ROBO2: variants seen among roughly 807,000 people sequenced by gnomAD.
The protein encoded by ROBO2 is roundabout homolog 2.
A neutral mutation model predicts 160.8 loss-of-function variants in ROBO2; 53 were observed. The ratio of observed to expected loss-of-function variants is 0.33; its 90% CI spans 0.26 to 0.41. ROBO2 has a LOEUF of 0.41. Among genes scored for constraint, ROBO2 ranks in the 10% least tolerant of loss-of-function variants. The pLI, the probability that ROBO2 is intolerant of heterozygous loss-of-function variation, is 1.00. For missense variants in ROBO2, 1,577 were observed against 1,722.4 expected, an observed-to-expected ratio of 0.92 and a Z score of 1.49; for synonymous variants, 664 against 611.7, an observed-to-expected ratio of 1.09 and a Z score of -1.26.
intron 2 of ROBO2, among the ~76,000 whole-genome samples, chr3:77,254,148 T>C (rs1180661752): frequency 6.6e-6 from 1 of 152,206 alleles, no homozygotes; most frequent in Non-Finnish European, 1.5e-5. Flanking sequence ...GGTGCACCTG[T>C]GGTCTTAGCT....
chr3:76,800,503 G>A lies in ROBO2; in HGVS notation c.110-297511G>A, dbSNP rs189224785. Among the ~76,000 whole-genome samples the A allele has an allele frequency of 3.9e-5, 6 of 152,194 alleles. No homozygotes were observed. In the East Asian group the frequency reaches 7.7e-4, roughly 20 times the overall value. On this transcript the variant is annotated intron_variant, in intron 2 of 26. Transcript: ENST00000487694. ...AGGGATTAATAACCAGAATATATAA[G>A]GAGCTCAAAAAGCTCTAGAGGAAAA...
At chr3:76,554,282 T>C (rs2083579487) in intron 2 of ROBO2, among the ~76,000 whole-genome samples, 2 of 152,268 alleles carry the variant, frequency 1.3e-5, no homozygotes, top group South Asian at 4.1e-4. Context: ...TATATACACA[T>C]ATCACAGCAA....
At chr3:76,530,685 A>G (rs1179476315) in intron 2 of ROBO2, among the ~76,000 whole-genome samples, 4 of 152,158 alleles carry the variant, frequency 2.6e-5, no homozygotes, top group African/African-American at 9.7e-5. Flanking sequence ...CTTTTCTTCT[A>G]TGCTCCTTCA....
At chr3:76,004,036 C>T (rs2065956901) in intron 2 of ROBO2, among the ~76,000 whole-genome samples, 1 of 152,106 alleles carries the variant, frequency 6.6e-6, no homozygotes, top group African/African-American at 2.4e-5. Flanking sequence ...TATGACTCAA[C>T]TATCAATTCC....
intron 2 of ROBO2, among the ~76,000 whole-genome samples, chr3:76,527,292 A>C (rs1264295253): frequency 6.6e-6 from 1 of 152,142 alleles, no homozygotes. Context: ...TAGACTATAA[A>C]ATCTATCACT....
intron 2 of ROBO2, among the ~76,000 whole-genome samples, chr3:76,027,465 G>T (rs1162467441): frequency 6.6e-6 from 1 of 151,804 alleles, no homozygotes; most frequent in Admixed American, 6.6e-5. Context: ...GTGAGCAAAA[G>T]GGGGCTTATG....
At chr3:76,605,966 G>A (rs371658797) in intron 2 of ROBO2, among the ~76,000 whole-genome samples, 33 of 152,154 alleles carry the variant, frequency 2.2e-4, no homozygotes, top group African/African-American at 6.3e-4. Context: ...ACAGGACCCC[G>A]TTATTTGGAG....
chr3:77,112,397 C>A (rs2073737619), intron 2 of ROBO2, among the ~76,000 whole-genome samples: 1 of 151,754 alleles, frequency 6.6e-6, no homozygotes, highest in Admixed American at 6.6e-5. Flanking sequence ...GCACCCGCCA[C>A]CACGCCTGGG....
At chr3:76,202,551 T>A (rs946521184) in intron 2 of ROBO2, among the ~76,000 whole-genome samples, 3 of 152,156 alleles carry the variant, frequency 2.0e-5, no homozygotes, top group African/African-American at 7.2e-5. Flanking sequence ...ATTAAATGGA[T>A]CATAGGTGCA....
intron 2 of ROBO2, among the ~76,000 whole-genome samples, chr3:76,978,953 A>C (rs1464937102): frequency 6.6e-6 from 1 of 151,646 alleles, no homozygotes; most frequent in African/African-American, 2.4e-5. Context: ...TTAAAAAAAA[A>C]AAAAAGAAAA....
chr3:76,981,676 T>C (rs984004707), intron 2 of ROBO2, among the ~76,000 whole-genome samples: 1 of 152,146 alleles, frequency 6.6e-6, no homozygotes, highest in African/African-American at 2.4e-5. Context: ...TAAGACTGGG[T>C]AATTTATAAA....
intron 2 of ROBO2, among the ~76,000 whole-genome samples, chr3:76,540,557 G>A (rs2082759343): frequency 6.6e-6 from 1 of 152,124 alleles, no homozygotes; most frequent in African/African-American, 2.4e-5. Context: ...ACTATCCAGA[G>A]ACTGAGCAAG....
In ROBO2 at chr3:76,601,234, G is replaced by A. The variant is rs147685972; in HGVS notation, c.110-496780G>A. Among the ~76,000 whole-genome samples, 4 of 152,310 alleles carry A rather than the reference G, an allele frequency of 2.6e-5. No homozygotes were observed. In the East Asian group the frequency reaches 7.8e-4, roughly 30 times the overall value. The stretch of plus-strand genomic sequence containing the variant: ...TTGAGTGCCTGAAGCTTTTCCAGGT[G>A]CATGGTGCAAGCTCTAAGTGGATCT... On this transcript the variant is annotated intron_variant, in intron 2 of 26. Transcript: ENST00000487694.
chr3:76,409,488 T>C (rs1480862752), intron 2 of ROBO2, among the ~76,000 whole-genome samples: 1 of 152,100 alleles, frequency 6.6e-6, no homozygotes, highest in East Asian at 1.9e-4. Context: ...TCCATTATGT[T>C]CCATGGTACT....
At chr3:77,638,957 G>T (rs1466322867) in intron 24 of ROBO2, among the ~76,000 whole-genome samples, 1 of 150,414 alleles carries the variant, frequency 6.6e-6, no homozygotes, top group Non-Finnish European at 1.5e-5. Context: ...CTCCCAAGTA[G>T]CTGGGATTAC....
chr3:76,341,559 T>C (rs2074233577), intron 2 of ROBO2, among the ~76,000 whole-genome samples: 1 of 151,306 alleles, frequency 6.6e-6, no homozygotes, highest in Non-Finnish European at 1.5e-5. Flanking sequence ...ACTGTTCAAC[T>C]GGATCATTTA....
In ROBO2 at chr3:76,418,428, A is replaced by G. The variant is rs192371273; in HGVS notation, c.109+480826A>G. On this transcript the variant is annotated intron_variant, in intron 2 of 26. Transcript: ENST00000487694. The stretch of plus-strand genomic sequence containing the variant: ...GCTAATTGTTGTATTTTTAGTAGAG[A>G]CAGGGTTTCACCATGTTGGCCAGGA... 4.8e-3 allele frequency among the ~76,000 whole-genome samples: 727 copies of G among 150,164 alleles called. 1 individual carries two copies. The highest frequency in any genetic ancestry group is 0.01 in the Middle Eastern group (3 of 294).
At chr3:77,585,089 A>C (rs1471294326) in intron 16 of ROBO2, among the ~76,000 whole-genome samples, 1 of 151,184 alleles carries the variant, frequency 6.6e-6, no homozygotes, top group Non-Finnish European at 1.5e-5. Flanking sequence ...GTGAAGGATA[A>C]CTAAGATTGT....
intron 2 of ROBO2, among the ~76,000 whole-genome samples, chr3:76,309,126 G>T (rs553426368): frequency 1.3e-5 from 2 of 152,218 alleles, no homozygotes; most frequent in East Asian, 3.9e-4. Context: ...AAGTAAATGG[G>T]TTTAGTTGTA....
Sources: gnomAD v4.1 joint callset for allele counts (sites outside exome capture counted in the v4.1 genomes callset) on GRCh38, gnomAD v4.1.1 for gene constraint, MANE v1.5 for transcripts, NCBI Gene and HGNC (gene_info 2026-07-23, HGNC 2026-07-21) for gene names.